Variants in RDH12 observed in about 807,000 individuals in gnomAD.
RDH12 encodes the protein retinol dehydrogenase 12, also known as all-trans and 9-cis retinol dehydrogenase.
RDH12 carries 21 observed loss-of-function variants against 34.0 expected under a neutral mutation model. That is an observed-to-expected ratio of 0.62 (90% CI 0.44 to 0.89). The LOEUF (loss-of-function observed/expected upper bound fraction) is 0.89. RDH12 is among the 40% of genes least tolerant of loss of function. The pLI, the probability that RDH12 is intolerant of heterozygous loss-of-function variation, is 0.00. For missense variants in RDH12, 394 were observed against 398.6 expected, an observed-to-expected ratio of 0.99 and a Z score of 0.10; for synonymous variants, 198 against 169.9, an observed-to-expected ratio of 1.17 and a Z score of -1.29.
At chr14:67,731,207 C>CTTTT (rs71129853) in intron 8 of RDH12, among the ~76,000 whole-genome samples, 324 of 90,556 alleles carry the variant, frequency 3.6e-3, no homozygotes, top group African/African-American at 0.014. Context: ...TTCTTTCTTT[C>CTTTT]TTTTTTTTTT....
At chr14:67,706,377 C>T (rs1367471781) in intron 1 of RDH12, 4 of 152,340 alleles carry the variant, frequency 2.6e-5, no homozygotes, top group Non-Finnish European at 5.9e-5. Flanking sequence ...AGGTTGAGGA[C>T]GTGTCCCCAC....
At chr14:67,718,511 C>T (rs938275751) in intron 1 of RDH12, among the ~76,000 whole-genome samples, 11 of 152,322 alleles carry the variant, frequency 7.2e-5, no homozygotes, top group African/African-American at 2.6e-4. Flanking sequence ...CACATCCCTG[C>T]CTCAGTGTTA....
intron 1 of RDH12, among the ~76,000 whole-genome samples, chr14:67,711,074 TTAG>T (rs2038004214): frequency 6.6e-6 from 1 of 152,250 alleles, no homozygotes; most frequent in Non-Finnish European, 1.5e-5. Flanking sequence ...TGAGAGGAAC[TTAG>T]TTTATAGTTT....
intron 1 of RDH12, among the ~76,000 whole-genome samples, chr14:67,715,537 G>T (rs2038059111): frequency 1.3e-5 from 2 of 152,178 alleles, no homozygotes; most frequent in Non-Finnish European, 1.5e-5. Context: ...CAGGCGTAAG[G>T]CCTGGGCTTA....
chr14:67,729,487 C>A, intron 8 of RDH12, 107 bp downstream of exon 8: 1 of 1,159,310 alleles, frequency 8.6e-7, no homozygotes, highest in Non-Finnish European at 1.3e-6. Context: ...ATGATGCAAT[C>A]CAGGTTTGGG....
chr14:67,724,495 T>C lies in RDH12; in HGVS notation c.91T>C (p.Cys31Arg), dbSNP rs1219180097. 9 of 1,613,252 alleles carry C rather than the reference T, an allele frequency of 5.6e-6. No homozygotes were observed. Among genetic ancestry groups the C allele is most frequent in the South Asian group, 4.4e-5 (4 of 91,066 alleles). Residue 31 changes from cysteine to arginine, a missense_variant, in exon 4 of 9, where the codon TGT becomes CGT. Transcript: ENST00000551171. ...TAGGAAGTTCTTTGCTGGTGGAGTG[T>C]GTAGAACAAATGTGCAGCTTCCTGG... ...SIRKFFAGGV[C>R]RTNVQLPGKV...
intron 8 of RDH12, chr14:67,729,857 C>T (rs768582644): frequency 2.2e-6 from 1 of 456,836 alleles, no homozygotes; most frequent in Non-Finnish European, 4.4e-6. Context: ...AGTGCTGAAT[C>T]TTATCATGAA....
At chr14:67,711,114 C>T (rs562523216) in intron 1 of RDH12, among the ~76,000 whole-genome samples, 5 of 152,298 alleles carry the variant, frequency 3.3e-5, no homozygotes, top group African/African-American at 7.2e-5. Context: ...CGATAACAAA[C>T]CTTACTTCCT....
chr14:67,720,457 C>T (rs1417326580), intron 1 of RDH12, among the ~76,000 whole-genome samples: 1 of 152,184 alleles, frequency 6.6e-6, no homozygotes, highest in Non-Finnish European at 1.5e-5. Context: ...CTTCTTAATA[C>T]TTCAGTGGTT....
intron 1 of RDH12, among the ~76,000 whole-genome samples, chr14:67,703,262 G>A (rs2037919441): frequency 6.6e-6 from 1 of 152,212 alleles, no homozygotes; most frequent in African/African-American, 2.4e-5. Flanking sequence ...GTCCCAATAG[G>A]TAATCTAATG....
At chr14:67,721,829 A>G (rs2038127854) in intron 2 of RDH12, among the ~76,000 whole-genome samples, 1 of 151,856 alleles carries the variant, frequency 6.6e-6, no homozygotes, top group South Asian at 2.1e-4. Context: ...TACAAGTGAG[A>G]AAACTGAGTT....
chr14:67,724,354 C>A, intron 3 of RDH12, 119 bp from the exon 4 acceptor site: 2 of 804,750 alleles, frequency 2.5e-6, no homozygotes, highest in Non-Finnish European at 4.3e-6. Context: ...AGTCTCCTGA[C>A]TGCAACTTAA....
Position 67,729,345 on chromosome 14 carries a change from T to C in RDH12, c.813T>C (p.Ala271=). 1 of 1,598,670 alleles carries C rather than the reference T, an allele frequency of 6.3e-7. No homozygotes were observed. The highest frequency in any genetic ancestry group is 8.5e-7 in the Non-Finnish European group (1 of 1,179,826). Residue 271 remains alanine (A), a synonymous_variant, in exon 8 of 9, where the codon GCT becomes GCC. Coordinates refer to ENST00000551171, the MANE Select transcript of RDH12 (RefSeq NM_152443.3). ...AGACCAGCCTGCACTGCGCCCTGGC[T>C]GAGGGCCTGGAGCCCCTGAGTGGCA... The part of the protein sequence containing the change: ...GAQTSLHCAL[A]EGLEPLSGKY...
rs368489658 is a variant in RDH12, at chr14:67,725,137, G to T, written c.226G>T (p.Gly76Trp). 4 of 1,614,148 alleles carry T rather than the reference G, an allele frequency of 2.5e-6. No homozygotes were observed. The highest frequency in any genetic ancestry group is 1.1e-5 in the South Asian group (1 of 91,078). The change falls in exon 5 of 9, where the codon GGG becomes TGG. Residue 76 changes from glycine (G) to tryptophan (W), a missense_variant. Coordinates refer to ENST00000551171, the MANE Select transcript of RDH12 (RefSeq NM_152443.3). ...VYIACRDVLKGESAASEIRVD... is the reference protein window; with the variant it reads ...VYIACRDVLKWESAASEIRVD... Reference sequence around the variant, plus strand: ...TATTGCCTGCAGAGATGTACTGAAGGGGGAGTCTGCTGCCAGTGAAATCCG... The same window carrying T: ...TATTGCCTGCAGAGATGTACTGAAGTGGGAGTCTGCTGCCAGTGAAATCCG...
intron 1 of RDH12, among the ~76,000 whole-genome samples, chr14:67,715,936 C>T (rs1245257872): frequency 6.6e-6 from 1 of 152,192 alleles, no homozygotes; most frequent in Admixed American, 6.5e-5. Context: ...TGGCTTACGC[C>T]TGTAATCCCA....
Position 67,726,124 on chromosome 14 carries a change from C to T in RDH12, c.417C>T (p.Gly139=). ...GTCCATATTCCAAGACAGCTGATGG[C>T]TTTGAAACCCACCTGGGAGTCAACC... ...MMCPYSKTAD[G]FETHLGVNHL... is the part of the protein sequence containing the mutation. Residue 139 remains glycine (G), a synonymous_variant, in exon 6 of 9, where the codon GGC becomes GGT. Transcript: ENST00000551171. 3 of 1,613,544 alleles carry T rather than the reference C, an allele frequency of 1.9e-6. No homozygotes were observed. Among genetic ancestry groups the T allele is most frequent in the Non-Finnish European group, 2.5e-6 (3 of 1,179,486 alleles).
chr14:67,730,010 G>A (rs1365240969), intron 8 of RDH12, among the ~76,000 whole-genome samples: 1 of 152,208 alleles, frequency 6.6e-6, no homozygotes, highest in East Asian at 1.9e-4. Context: ...ATTCCGTGAA[G>A]CACTGGAAAT....
At chr14:67,731,247 C>T in intron 8 of RDH12, among the ~76,000 whole-genome samples, 1 of 121,130 alleles carries the variant, frequency 8.3e-6, no homozygotes, top group Non-Finnish European at 1.6e-5. Flanking sequence ...CATAGTCTCA[C>T]TCTGTTGCCC....
intron 2 of RDH12, among the ~76,000 whole-genome samples, chr14:67,721,895 GC>G (rs1566845177): frequency 6.6e-6 from 1 of 151,984 alleles, no homozygotes; most frequent in Non-Finnish European, 1.5e-5. Context: ...TAGATTCAGC[GC>G]TAGAGTCCAT....
Sources: gnomAD v4.1 joint callset for allele counts (sites outside exome capture counted in the v4.1 genomes callset) on GRCh38, gnomAD v4.1.1 for gene constraint, MANE v1.5 for transcripts, NCBI Gene and HGNC (gene_info 2026-07-23, HGNC 2026-07-21) for gene names.